The following MYOM3 variants were observed in gnomAD, a reference collection of about 807,000 sequenced individuals.
MYOM3 encodes myomesin 3.
In MYOM3, 155 loss-of-function variants were observed where a neutral mutation model predicts 191.7. The ratio of observed to expected loss-of-function variants is 0.81; its 90% CI spans 0.71 to 0.92. The LOEUF (loss-of-function observed/expected upper bound fraction) is 0.92. Among genes scored for constraint, MYOM3 ranks in the 40% least tolerant of loss-of-function variants. MYOM3 has a pLI of 0.00. For synonymous variants in MYOM3, 757 were observed against 762.9 expected (o/e 0.99, Z 0.13); for missense variants, 1,889 against 1,890.6 (o/e 1.00, Z 0.02).
intron 8 of MYOM3, 141 bp downstream of exon 8, chr1:24,095,301 G>T (rs756427810): frequency 1.1e-5 from 9 of 820,192 alleles, no homozygotes; most frequent in Non-Finnish European, 1.8e-5. Context: ...TCAGGTGCAG[G>T]TATTACCAGC....
chr1:24,077,954 TG>T (rs1394009487), intron 20 of MYOM3, among the ~76,000 whole-genome samples: 1 of 152,224 alleles, frequency 6.6e-6, no homozygotes, highest in African/African-American at 2.4e-5. Context: ...TTTCATTTTT[TG>T]GTAAAATGAA....
intron 23 of MYOM3, among the ~76,000 whole-genome samples, chr1:24,073,148 C>T (rs950736749): frequency 6.6e-6 from 1 of 152,160 alleles, no homozygotes; most frequent in Non-Finnish European, 1.5e-5. Flanking sequence ...TATAATCCCT[C>T]TTTACGGGTG....
At chr1:24,058,432 G>A (rs919902594) in intron 36 of MYOM3, among the ~76,000 whole-genome samples, 2 of 152,156 alleles carry the variant, frequency 1.3e-5, no homozygotes, top group Non-Finnish European at 2.9e-5. Context: ...CCTGGGTTAA[G>A]GGACTCTGGG....
At chr1:24,091,762 A>G (rs1050379180) in intron 11 of MYOM3, among the ~76,000 whole-genome samples, 13 of 152,196 alleles carry the variant, frequency 8.5e-5, no homozygotes, top group Non-Finnish European at 1.6e-4. Context: ...AGAGCCGGCC[A>G]CACTGGAAAA....
chr1:24,058,543 G>A (rs1487710171), intron 36 of MYOM3, among the ~76,000 whole-genome samples: 3 of 152,182 alleles, frequency 2.0e-5, no homozygotes, highest in African/African-American at 4.8e-5. Context: ...ACATGGAATC[G>A]TGCCTGACAA....
chr1:24,089,226 A>G (rs1643782781), intron 14 of MYOM3, among the ~76,000 whole-genome samples: 1 of 152,166 alleles, frequency 6.6e-6, no homozygotes, highest in Non-Finnish European at 1.5e-5. Context: ...GTCTGATGCC[A>G]TCTGGCTTGG....
intron 11 of MYOM3, 57 bp downstream of exon 11, chr1:24,092,117 C>T: frequency 7.2e-7 from 1 of 1,382,960 alleles, no homozygotes; most frequent in Non-Finnish European, 9.5e-7. Flanking sequence ...GCTGTGGCTC[C>T]CACCACCAGA....
intron 20 of MYOM3, among the ~76,000 whole-genome samples, chr1:24,078,047 A>T (rs1218397071): frequency 6.6e-6 from 1 of 152,218 alleles, no homozygotes; most frequent in Non-Finnish European, 1.5e-5. Flanking sequence ...ACACGAAATG[A>T]AGGACTAAAG....
rs1454434306 is a variant in MYOM3 at position 24,074,233 on chromosome 1, A to G, written c.2895T>C (p.Asp965=). The G allele has an allele frequency of 6.2e-7, 1 of 1,613,960 alleles. No homozygotes were observed. The highest frequency in any genetic ancestry group is 8.5e-7 in the Non-Finnish European group (1 of 1,179,990). The change falls in exon 23 of 37, where the codon GAT becomes GAC. Residue 965 remains aspartate (D), a synonymous_variant. Coordinates refer to ENST00000374434, the MANE Select transcript of MYOM3 (RefSeq NM_152372.4). ...KVILKEPGLE[D]LGTYSVIVTD... is the part of the protein sequence containing the mutation. ...TGACTATGACTGAGTAGGTGCCCAA[A>G]TCCTCGAGGCCGGGTTCTTTCAGGA...
intron 25 of MYOM3, among the ~76,000 whole-genome samples, 194 bp from the exon 26 acceptor site, chr1:24,068,561 T>G (rs958686289): frequency 5.9e-5 from 9 of 151,910 alleles, no homozygotes; most frequent in Non-Finnish European, 1.3e-4. Context: ...AGTTACAATT[T>G]TTTGTTGTTG....
intron 2 of MYOM3, 28 bp from the exon 3 acceptor site, chr1:24,108,101 G>T (rs186514388): frequency 3.1e-6 from 5 of 1,605,968 alleles, no homozygotes; most frequent in Non-Finnish European, 4.3e-6. Context: ...GGAGTAAATG[G>T]CTCTTGCAGG....
chr1:24,078,827 T>G (rs532381696), intron 20 of MYOM3, among the ~76,000 whole-genome samples: 1 of 152,328 alleles, frequency 6.6e-6, no homozygotes, highest in African/African-American at 2.4e-5. Context: ...AATTTGTGTC[T>G]GTTAATAATG....
Position 24,063,495 on chromosome 1 carries a change from C to G in MYOM3, c.3658G>C (p.Gly1220Arg). The G allele has an allele frequency of 1.9e-6, 3 of 1,614,166 alleles. No homozygotes were observed. The change falls in exon 31 of 37, where the codon GGT becomes CGT. Residue 1220 changes from glycine to arginine, a missense_variant. Coordinates refer to ENST00000374434, the MANE Select transcript of MYOM3 (RefSeq NM_152372.4). The surrounding 1 kb of genome is among the most constrained non-coding windows in gnomAD (Gnocchi z 4.5). Reference sequence around the variant, plus strand: ...GGCAAAGAGGCAGGCTGCTTACCACCAATCCTGCCCAACTCGGTGAAGATG... The same window carrying G: ...GGCAAAGAGGCAGGCTGCTTACCACGAATCCTGCCCAACTCGGTGAAGATG... Reference protein sequence around the residue: ...DAIFTELGRIGALSATPLKIQ... With the variant: ...DAIFTELGRIRALSATPLKIQ...
In MYOM3 at chr1:24,086,916, G is replaced by A. The variant is rs564602728; in HGVS notation, c.1615-89C>T. ...CTCCCATGATCTCTGTCCCCAGCCC[G>A]TGTGCTCTCATGATCCTCTATACTC... On this transcript the variant is annotated intron_variant, in intron 14 of 36. Coordinates refer to ENST00000374434, the MANE Select transcript of MYOM3 (RefSeq NM_152372.4). The A allele has an allele frequency of 1.6e-4, 215 of 1,372,110 alleles. No individual in the cohort carries two copies. In the African/African-American group the frequency reaches 2.6e-3, roughly 17 times the overall value. The allele number at this position is 1,372,110 out of a possible 1,614,324, so 85.0% of individuals were successfully genotyped here. A position where few individuals can be genotyped will look rare whatever the true frequency, so the allele number is the denominator to read the frequency against.
intron 11 of MYOM3, among the ~76,000 whole-genome samples, chr1:24,091,655 C>T (rs898921043): frequency 2.0e-5 from 3 of 152,144 alleles, no homozygotes; most frequent in East Asian, 1.9e-4. Context: ...CCTTTAGAGA[C>T]GGGTCATTGG....
intron 15 of MYOM3, among the ~76,000 whole-genome samples, chr1:24,084,957 C>G (rs1643717766): frequency 6.6e-6 from 1 of 152,244 alleles, no homozygotes; most frequent in Non-Finnish European, 1.5e-5. Flanking sequence ...CAGTCCTTAT[C>G]TTTAATCTCA....
chr1:24,064,335 T>C, intron 29 of MYOM3, 176 bp from the exon 30 acceptor site: 1 of 562,198 alleles, frequency 1.8e-6, no homozygotes, highest in South Asian at 2.2e-5. Flanking sequence ...GCTCTAAGGC[T>C]CCTTTCAGCT....
At position 24,063,630 on chromosome 1, in the gene MYOM3, C is replaced by T; in HGVS notation, c.3623-100G>A. On this transcript the variant is annotated intron_variant, in intron 30 of 36. Coordinates refer to ENST00000374434, the MANE Select transcript of MYOM3 (RefSeq NM_152372.4). The surrounding 1 kb of genome is among the most constrained non-coding windows in gnomAD (Gnocchi z 4.5). ...GAAAAAGGCTGGTGGAGCCCGTGAGCTGCTCTCAGGGGGACAGGCAACTCT... is the reference window on the plus strand; with the variant it reads ...GAAAAAGGCTGGTGGAGCCCGTGAGTTGCTCTCAGGGGGACAGGCAACTCT... 1 of 1,395,166 alleles carries T rather than the reference C, an allele frequency of 7.2e-7. No homozygotes were observed. The highest frequency in any genetic ancestry group is 1.8e-4 in the Middle Eastern group (1 of 5,660). The allele number at this position is 1,395,166 out of a possible 1,614,324, so 86.4% of individuals were successfully genotyped here.
chr1:24,089,811 T>C, intron 13 of MYOM3, 146 bp from the exon 14 acceptor site: 1 of 1,050,014 alleles, frequency 9.5e-7, no homozygotes, highest in Non-Finnish European at 1.4e-6. Flanking sequence ...TCAGCAATGC[T>C]GGGCAGAGCC....
Sources: gnomAD v4.1 joint callset for allele counts (sites outside exome capture counted in the v4.1 genomes callset) on GRCh38, gnomAD v4.1.1 for gene constraint, Gnocchi (gnomAD v3.1) non-coding constraint, MANE v1.5 for transcripts, NCBI Gene and HGNC (gene_info 2026-07-23, HGNC 2026-07-21) for gene names.